The following REV3L variants were observed in gnomAD, a reference collection of about 807,000 sequenced individuals.
The protein encoded by REV3L is DNA polymerase zeta catalytic subunit.
A neutral mutation model predicts 299.4 loss-of-function variants in REV3L; 69 were observed. The observed-to-expected ratio is 0.23, with a 90% CI of 0.19 to 0.28. REV3L has a LOEUF of 0.28. Ranked by LOEUF, REV3L falls within the 10% of genes least tolerant of loss-of-function variation. The pLI is 1.00. For synonymous variants in REV3L, 1,238 were observed against 1,271.4 expected, an observed-to-expected ratio of 0.97 and a Z score of 0.56; for missense variants, 3,128 against 3,693.8, an observed-to-expected ratio of 0.85 and a Z score of 3.97.
At chr6:111,338,578 G>A (rs1302041481) in intron 21 of REV3L, among the ~76,000 whole-genome samples, 1 of 151,262 alleles carries the variant, frequency 6.6e-6, no homozygotes, top group Non-Finnish European at 1.5e-5. Context: ...CTAGGTTGAT[G>A]TTAGCTTTTT....
intron 1 of REV3L, among the ~76,000 whole-genome samples, chr6:111,436,949 A>G (rs1787623228): frequency 6.6e-6 from 1 of 152,212 alleles, no homozygotes. Context: ...TAAATGGGCA[A>G]AGGATGTGAA....
chr6:111,377,650 C>A, intron 12 of REV3L, 51 bp downstream of exon 12: 1 of 1,564,034 alleles, frequency 6.4e-7, no homozygotes. Context: ...AAATCAAATA[C>A]ATTTTTAGAT....
chr6:111,373,076 T>C lies in REV3L; in HGVS notation c.5279A>G (p.Asp1760Gly). The C allele has an allele frequency of 1.9e-6, 3 of 1,614,116 alleles. No individual in the cohort carries two copies. The highest frequency in any genetic ancestry group is 1.7e-6 in the Non-Finnish European group (2 of 1,180,002). Residue 1760 changes from aspartate to glycine, a missense_variant, in exon 13 of 32, where the codon GAT becomes GGT. Asp to Gly is a moderately conservative substitution (Grantham distance 94, BLOSUM62 -1). Around this residue, in one of 9 missense-constraint regions of REV3L, gnomAD observed 2,409 missense variants for 2,611.8 expected, o/e 0.92. Transcript: ENST00000368802. ...PLTTRSNSIMDSFCVQQAEDC... is the reference protein window; with the variant it reads ...PLTTRSNSIMGSFCVQQAEDC... ...TTCTGCCTGCTGAACACAGAAAGAA[T>C]CCATTATTGAGTTAGACCGAGTTGT... is the stretch of plus-strand genomic sequence containing the variant.
At chr6:111,349,047 A>G (rs1350028088) in intron 20 of REV3L, 171 bp downstream of exon 20, 1 of 461,870 alleles carries the variant, frequency 2.2e-6, no homozygotes, top group African/African-American at 2.0e-5. Context: ...AAAGTCTATT[A>G]CCTCTGTAGT....
chr6:111,424,955 A>T (rs929367300), intron 1 of REV3L, among the ~76,000 whole-genome samples: 6 of 152,176 alleles, frequency 3.9e-5, no homozygotes, highest in African/African-American at 1.4e-4. Context: ...GCTTTGATAC[A>T]GTTAAGGGAA....
chr6:111,474,988 T>TATACACACACACAC lies in REV3L; in HGVS notation c.139+7761_139+7762insGTGTGTGTGTGTAT, dbSNP rs151075609. On this transcript the variant is annotated intron_variant, in intron 1 of 31. Coordinates refer to ENST00000368802, the MANE Select transcript of REV3L (RefSeq NM_001372078.1). ...ATTACATTCTATAGCTGCCTATATATACACACACACACACACACACACACA... is the reference window on the plus strand; with the variant it reads ...ATTACATTCTATAGCTGCCTATATATATACACACACACACACACACACACACACACACACACACA... 1.6e-4 allele frequency among the ~76,000 whole-genome samples: 24 copies of TATACACACACACAC among 145,948 alleles called. 1 individual carries two copies. The highest frequency in any genetic ancestry group is 6.0e-4 in the East Asian group (3 of 4,996).
At chr6:111,431,841 A>C (rs1168562820) in intron 1 of REV3L, 8 of 537,486 alleles carry the variant, frequency 1.5e-5, no homozygotes, top group Non-Finnish European at 2.7e-5. Context: ...TAACTTAGAA[A>C]CGCTTTTTAG....
chr6:111,466,832 ACT>A (rs71800012), intron 1 of REV3L, among the ~76,000 whole-genome samples: 16,411 of 152,182 alleles, frequency 0.11, 1,164 homozygotes, highest in Middle Eastern at 0.21. Flanking sequence ...ACACAGTGAG[ACT>A]CTGTCTCAAA....
chr6:111,430,776 T>C (rs1786812296), intron 1 of REV3L: 15 of 1,606,420 alleles, frequency 9.3e-6, no homozygotes, highest in East Asian at 8.9e-5. Context: ...CAGGAGCAGC[T>C]TGACCGCATC....
At chr6:111,392,296 A>C (rs1020327026) in intron 5 of REV3L, among the ~76,000 whole-genome samples, 13 of 152,186 alleles carry the variant, frequency 8.5e-5, no homozygotes, top group Non-Finnish European at 1.6e-4. Flanking sequence ...TCAGAATTAA[A>C]AATTAGCACC....
intron 21 of REV3L, among the ~76,000 whole-genome samples, chr6:111,342,450 T>C (rs1234084476): frequency 7.9e-5 from 12 of 151,958 alleles, no homozygotes; most frequent in Non-Finnish European, 1.3e-4. Context: ...GGGCGGATCA[T>C]GAGGTCAGGA....
At position 111,367,254 on chromosome 6, in the gene REV3L, C is replaced by T. The variant is rs145940945; in HGVS notation, c.6534G>A (p.Glu2178=). 1.1e-5 allele frequency: 18 copies of T among 1,613,822 alleles called. No homozygotes were observed. The African/African-American group carries it at 2.0e-4, about 18-fold the overall frequency. Residue 2178 remains glutamate (E), a synonymous_variant, in exon 14 of 32, where the codon GAG becomes GAA. Transcript: ENST00000368802. ...IQKSPCSEPQ[E]PLVISPINTR... ...TATTAATTGGAGATATCACTAGAGG[C>T]TCTTGAGGCTCACTGCAGGGGCTTT...
At chr6:111,435,274 G>A (rs148540039) in intron 1 of REV3L, among the ~76,000 whole-genome samples, 2 of 152,054 alleles carry the variant, frequency 1.3e-5, no homozygotes, top group Non-Finnish European at 2.9e-5. Flanking sequence ...CCCTATCAAC[G>A]TATAAATGAC....
intron 25 of REV3L, among the ~76,000 whole-genome samples, chr6:111,324,984 C>G (rs1774602722): frequency 1.3e-5 from 2 of 152,014 alleles, no homozygotes; most frequent in South Asian, 2.1e-4. Flanking sequence ...GCCTCAGCCT[C>G]CCAAGTAGCT....
At chr6:111,307,789 CAG>C in intron 30 of REV3L, 1 of 537,470 alleles carries the variant, frequency 1.9e-6, no homozygotes, top group Non-Finnish European at 3.3e-6. Flanking sequence ...TTAATATTAT[CAG>C]ATACATTTTT....
chr6:111,362,027 A>G (rs1407247077), intron 16 of REV3L, among the ~76,000 whole-genome samples: 1 of 152,222 alleles, frequency 6.6e-6, no homozygotes, highest in Non-Finnish European at 1.5e-5. Context: ...GAGAATAATC[A>G]AATGTAACAT....
intron 9 of REV3L, among the ~76,000 whole-genome samples, chr6:111,382,906 C>T (rs1780976952): frequency 6.6e-6 from 1 of 152,146 alleles, no homozygotes; most frequent in Non-Finnish European, 1.5e-5. Flanking sequence ...AACTTGGATA[C>T]CAGCTCAGCC....
intron 1 of REV3L, among the ~76,000 whole-genome samples, chr6:111,419,866 ATGGAGTCTCGCTCTGTCACCCAGGC>A (rs1200994575): frequency 6.7e-6 from 1 of 149,930 alleles, no homozygotes; most frequent in Admixed American, 6.6e-5. Context: ...TTTTTTTGAG[ATGGAGTCTCGCTCTGTCACCCAGGC>A]TGGAGTGCAG....
Position 111,412,249 on chromosome 6 carries a change from T to C in REV3L, c.330-695A>G, listed in dbSNP as rs548071955. The C allele has an allele frequency of 2.0e-5, 20 of 985,188 alleles. No individual in the cohort carries two copies. In the East Asian group the frequency reaches 2.0e-3, roughly 101 times the overall value. The allele number at this position is 985,188 out of a possible 1,614,324, so 61.0% of individuals were successfully genotyped here. The stretch of plus-strand genomic sequence containing the variant: ...GACTGAAAAAGACCATGGACTTACT[T>C]AAGCAACATAATCATGTTATGGCTG... On this transcript the variant is annotated intron_variant, in intron 2 of 31. Transcript: ENST00000368802.
Sources: gnomAD v4.1 joint callset for allele counts (sites outside exome capture counted in the v4.1 genomes callset) on GRCh38, gnomAD v4.1.1 for gene constraint, gnomAD v4.1.1 regional missense constraint, MANE v1.5 for transcripts, NCBI Gene and HGNC (gene_info 2026-07-23, HGNC 2026-07-21) for gene names.